The following AFF1 variants were observed in gnomAD, a reference collection of about 807,000 sequenced individuals.
AFF1 encodes ALF transcription elongation factor 1.
Under a neutral mutation model 121.7 loss-of-function variants are expected in AFF1, and 48 were observed. The ratio of observed to expected loss-of-function variants is 0.39; its 90% CI spans 0.31 to 0.50. The LOEUF is 0.50. AFF1 is among the 20% of genes least tolerant of loss of function. The pLI, the probability that AFF1 is intolerant of heterozygous loss-of-function variation, is 0.76. For synonymous variants in AFF1, 613 were observed against 563.0 expected (o/e 1.09, Z -1.26); for missense variants, 1,523 against 1,511.7 (o/e 1.01, Z -0.12).
rs1432954122 is a variant in AFF1, at chr4:87,137,147, G to C, written c.*1446G>C. 1.3e-5 allele frequency: 3 copies of C among 226,820 alleles called. No homozygotes were observed. The highest frequency in any genetic ancestry group is 2.2e-5 in the African/African-American group (1 of 44,978). The allele number at this position is 226,820 out of a possible 1,614,324, so 14.1% of individuals were successfully genotyped here. A position where few individuals can be genotyped will look rare whatever the true frequency, so the allele number is the denominator to read the frequency against. The stretch of plus-strand genomic sequence containing the variant: ...TACTTTGAGTGCAGTGTTTTTAAAA[G>C]CCAATTCTTTTTTATCCCTTTTAGA... On this transcript the variant is annotated 3_prime_UTR_variant, in exon 21 of 21. Coordinates refer to ENST00000395146, the MANE Select transcript of AFF1 (RefSeq NM_001166693.3).
chr4:86,959,780 G>A (rs541586296), intron 2 of AFF1, among the ~76,000 whole-genome samples: 2 of 152,284 alleles, frequency 1.3e-5, no homozygotes, highest in East Asian at 3.9e-4. Context: ...TTGGGAAAGG[G>A]GCATTCTGGG....
At chr4:87,024,769 T>C (rs1728362945) in intron 2 of AFF1, among the ~76,000 whole-genome samples, 1 of 152,090 alleles carries the variant, frequency 6.6e-6, no homozygotes, top group African/African-American at 2.4e-5. Flanking sequence ...ATTTATTTAT[T>C]TTTTAGTAGA....
At chr4:86,958,196 C>T (rs1379811147) in intron 2 of AFF1, among the ~76,000 whole-genome samples, 2 of 147,880 alleles carry the variant, frequency 1.4e-5, no homozygotes, top group Non-Finnish European at 3.0e-5. Context: ...CAGGTTCAAG[C>T]AATTCTTCTG....
intron 2 of AFF1, among the ~76,000 whole-genome samples, chr4:86,979,100 C>G (rs572020298): frequency 2.0e-5 from 3 of 152,046 alleles, no homozygotes; most frequent in South Asian, 4.2e-4. Context: ...GCCTCTGCCT[C>G]TCTTTTTATT....
rs1359571428 is a variant in AFF1, at chr4:86,996,386, ATTC to A, written c.38+47820_38+47822del. On this transcript the variant is annotated intron_variant, in intron 2 of 20. Coordinates refer to ENST00000395146, the MANE Select transcript of AFF1 (RefSeq NM_001166693.3). The stretch of plus-strand genomic sequence containing the variant: ...TTCATTTTGTTCTGTACTAAGAAAA[ATTC>A]TTCTGCCTTGGGATCCTGTTGATCT... Among the ~76,000 whole-genome samples, 192 of 152,000 alleles carry A rather than the reference ATTC, an allele frequency of 1.3e-3. 1 individual carries two copies. Among genetic ancestry groups the A allele is most frequent in the Middle Eastern group, 0.01 (3 of 294 alleles).
intron 4 of AFF1, among the ~76,000 whole-genome samples, chr4:87,075,855 A>G (rs1466603977): frequency 1.3e-5 from 2 of 152,212 alleles, no homozygotes; most frequent in Non-Finnish European, 2.9e-5. Context: ...AATTCACCAT[A>G]AAACTCTAAT....
chr4:87,020,480 TTTTG>T (rs1727786947), intron 2 of AFF1, among the ~76,000 whole-genome samples: 1 of 151,866 alleles, frequency 6.6e-6, no homozygotes, highest in Non-Finnish European at 1.5e-5. Flanking sequence ...GATGCCATGT[TTTTG>T]TTTTGTTTTG....
At chr4:86,997,005 G>A (rs1404229828) in intron 2 of AFF1, among the ~76,000 whole-genome samples, 8 of 152,254 alleles carry the variant, frequency 5.3e-5, no homozygotes, top group Admixed American at 1.3e-4. Context: ...TCTGCCTCCC[G>A]GGTTCAAGTG....
intron 19 of AFF1, among the ~76,000 whole-genome samples, chr4:87,134,191 C>T (rs1443860302): frequency 6.6e-6 from 1 of 152,166 alleles, no homozygotes; most frequent in Non-Finnish European, 1.5e-5. Context: ...CACATACCTA[C>T]ATATGCATAC....
intron 4 of AFF1, among the ~76,000 whole-genome samples, chr4:87,067,271 C>T (rs1438545940): frequency 6.6e-6 from 1 of 152,168 alleles, no homozygotes; most frequent in Non-Finnish European, 1.5e-5. Flanking sequence ...GTGTTTAAGC[C>T]GTTTCCATGC....
chr4:87,074,394 G>C (rs1443945376), intron 4 of AFF1, among the ~76,000 whole-genome samples: 2 of 151,964 alleles, frequency 1.3e-5, no homozygotes, highest in Admixed American at 6.6e-5. Flanking sequence ...GGCCTCATGT[G>C]GTCTTTCATC....
At chr4:87,017,049 A>G (rs1727365105) in intron 2 of AFF1, among the ~76,000 whole-genome samples, 1 of 151,612 alleles carries the variant, frequency 6.6e-6, no homozygotes, top group Non-Finnish European at 1.5e-5. Context: ...ACATTTACAT[A>G]CAAGACTTTG....
At chr4:87,017,448 T>C (rs1010805039) in intron 2 of AFF1, among the ~76,000 whole-genome samples, 6 of 152,204 alleles carry the variant, frequency 3.9e-5, no homozygotes, top group Admixed American at 6.5e-5. Context: ...ATGAAGAAAT[T>C]CATATCGAGG....
intron 2 of AFF1, among the ~76,000 whole-genome samples, chr4:86,952,865 T>TTTA (rs1560498243): frequency 6.2e-5 from 9 of 145,662 alleles, no homozygotes; most frequent in Non-Finnish European, 1.0e-4. Flanking sequence ...ATTTTGTATT[T>TTTA]TTTATTTATT....
In AFF1 at chr4:87,087,445, CAG is replaced by C. The variant is rs746934290; in HGVS notation, c.1105-2538_1105-2537del. 3.3e-5 allele frequency among the ~76,000 whole-genome samples: 5 copies of C among 152,328 alleles called. No individual in the cohort carries two copies. The East Asian group carries it at 9.6e-4, about 29-fold the overall frequency. On this transcript the variant is annotated intron_variant, in intron 5 of 20. Transcript: ENST00000395146. The stretch of plus-strand genomic sequence containing the variant: ...TATTAGAGGAACAATTAGAACTAGA[CAG>C]TGTCTCCAGAGCAGGATGAGCAAGG...
rs532775114 is a variant in AFF1, at chr4:87,102,784, C to T, written c.1284-2844C>T. ...GTTCTCTTGACCTAGGCTTTATTGC[C>T]GTGACTGAGACTGGGTCTAAGAGAT... is the stretch of plus-strand genomic sequence containing the variant. On this transcript the variant is annotated intron_variant, in intron 8 of 20. Coordinates refer to ENST00000395146, the MANE Select transcript of AFF1 (RefSeq NM_001166693.3). Among the ~76,000 whole-genome samples, 321 of 152,238 alleles carry T rather than the reference C, an allele frequency of 2.1e-3. 1 individual carries two copies. The highest frequency in any genetic ancestry group is 3.5e-3 in the Non-Finnish European group (241 of 68,026).
Position 87,135,654 on chromosome 4 carries a change from A to G in AFF1, c.3610A>G (p.Thr1204Ala), listed in dbSNP as rs763238630. The G allele has an allele frequency of 8.7e-6, 14 of 1,612,992 alleles. No homozygotes were observed. The South Asian group carries it at 1.4e-4, about 17-fold the overall frequency. ...CAGTTTGGTGGACCTGGTGCACTAT[A>G]CACGACAGGGTTTTCAGCAGCTACA... is the stretch of plus-strand genomic sequence containing the variant. The part of the protein sequence containing the change: ...NSSLVDLVHY[T>A]RQGFQQLQEL... The change falls in exon 21 of 21, where the codon ACA becomes GCA. Residue 1204 changes from threonine to alanine, a missense_variant. By Grantham distance (58) the Thr-to-Ala change is moderately conservative (BLOSUM62 0). Coordinates refer to ENST00000395146, the MANE Select transcript of AFF1 (RefSeq NM_001166693.3).
chr4:87,015,329 G>A (rs1243976371), intron 2 of AFF1, among the ~76,000 whole-genome samples: 1 of 152,100 alleles, frequency 6.6e-6, no homozygotes, highest in Admixed American at 6.6e-5. Flanking sequence ...TACCACAGGG[G>A]AAAAATTAGG....
intron 2 of AFF1, among the ~76,000 whole-genome samples, chr4:86,990,398 T>A (rs561722790): frequency 6.6e-6 from 1 of 152,132 alleles, no homozygotes; most frequent in East Asian, 1.9e-4. Flanking sequence ...TCTGGCCGTC[T>A]TCTTTGGTAA....
Sources: allele counts gnomAD v4.1 joint callset (sites outside exome capture counted in the v4.1 genomes callset), GRCh38; gene constraint gnomAD v4.1.1; transcripts MANE v1.5; gene names NCBI Gene and HGNC (gene_info 2026-07-23, HGNC 2026-07-21).